GRIK1: variants seen among roughly 807,000 people sequenced by gnomAD.
GRIK1 encodes the protein glutamate ionotropic receptor kainate type subunit 1.
GRIK1 carries 69 observed loss-of-function variants against 105.7 expected under a neutral mutation model. That is an observed-to-expected ratio of 0.65 (90% confidence interval 0.54 to 0.80). The LOEUF (loss-of-function observed/expected upper bound fraction) is 0.80. Ranked by LOEUF, GRIK1 falls within the 30% of genes least tolerant of loss-of-function variation. GRIK1 has a pLI of 0.00. For missense variants in GRIK1, 1,109 were observed against 1,167.3 expected, an observed-to-expected ratio of 0.95 and a Z score of 0.73; for synonymous variants, 438 against 431.3, an observed-to-expected ratio of 1.02 and a Z score of -0.19.
chr21:29,801,580 TA>T (rs1024340354), intron 1 of GRIK1, among the ~76,000 whole-genome samples: 1 of 151,988 alleles, frequency 6.6e-6, no homozygotes, highest in African/African-American at 2.4e-5. Context: ...CGGAAATTAG[TA>T]AAAAAAGATT....
chr21:29,555,137 A>G lies in GRIK1; in HGVS notation c.2522T>C (p.Val841Ala), dbSNP rs1323658435. ...AGAAAGGACCAGTCCGGCAGCCAGA[A>G]CAATGAAGATGCCTCCAATATTTTC... ...GVENIGGIFI[V>A]LAAGLVLSVF... is the part of the protein sequence containing the mutation. Residue 841 changes from valine (V) to alanine (A), a missense_variant, in exon 16 of 18, where the codon GTT becomes GCT. Coordinates refer to ENST00000327783, the MANE Select transcript of GRIK1 (RefSeq NM_001330994.2). 1 of 1,613,836 alleles carries G rather than the reference A, an allele frequency of 6.2e-7. No individual in the cohort carries two copies. Among genetic ancestry groups the G allele is most frequent in the South Asian group, 1.1e-5 (1 of 91,084 alleles).
At chr21:29,646,199 G>A (rs944283669) in intron 6 of GRIK1, among the ~76,000 whole-genome samples, 1 of 152,124 alleles carries the variant, frequency 6.6e-6, no homozygotes, top group Non-Finnish European at 1.5e-5. Context: ...CCAAAAGGCT[G>A]GTTACTAAGT....
At chr21:29,818,805 G>C (rs187427807) in intron 1 of GRIK1, among the ~76,000 whole-genome samples, 4 of 152,010 alleles carry the variant, frequency 2.6e-5, no homozygotes, top group East Asian at 1.9e-4. Context: ...CTCTTCTGTG[G>C]TGTAGGTCAC....
intron 1 of GRIK1, among the ~76,000 whole-genome samples, chr21:29,723,624 A>G (rs2064379895): frequency 6.6e-6 from 1 of 152,210 alleles, no homozygotes; most frequent in African/African-American, 2.4e-5. Context: ...AGATATTGGG[A>G]AACCTATTTT....
At chr21:29,937,002 G>A (rs1242370228) in intron 1 of GRIK1, among the ~76,000 whole-genome samples, 2 of 152,082 alleles carry the variant, frequency 1.3e-5, no homozygotes, top group South Asian at 2.1e-4. Flanking sequence ...TTGATCGGTC[G>A]GTTGCTTGGA....
Position 29,774,386 on chromosome 21 carries a change from GA to G in GRIK1, c.119-80324del, listed in dbSNP as rs549798184. Among the ~76,000 whole-genome samples, 497 of 151,724 alleles carry G rather than the reference GA, an allele frequency of 3.3e-3. 7 individuals are homozygous for G. The highest frequency in any genetic ancestry group is 0.011 in the African/African-American group (465 of 41,374). ...TATCACAGTTGGAACAGAGGTAAAGGAAACCAGACATCTGTTGAAGATCAGT... is the reference window on the plus strand; with the variant it reads ...TATCACAGTTGGAACAGAGGTAAAGGAACCAGACATCTGTTGAAGATCAGT... On this transcript the variant is annotated intron_variant, in intron 1 of 17. Transcript: ENST00000327783.
chr21:29,781,206 T>A (rs550933640), intron 1 of GRIK1, among the ~76,000 whole-genome samples: 1 of 152,098 alleles, frequency 6.6e-6, no homozygotes, highest in African/African-American at 2.4e-5. Context: ...GAATCATACC[T>A]ATCTGTGCTT....
At chr21:29,696,722 T>C (rs2063708509) in intron 1 of GRIK1, among the ~76,000 whole-genome samples, 1 of 152,198 alleles carries the variant, frequency 6.6e-6, no homozygotes, top group Non-Finnish European at 1.5e-5. Context: ...TCAGCATCCT[T>C]GGGGAGACCA....
At chr21:29,897,778 G>A (rs753190333) in intron 1 of GRIK1, among the ~76,000 whole-genome samples, 87 of 152,204 alleles carry the variant, frequency 5.7e-4, no homozygotes, top group Non-Finnish European at 1.1e-3. Context: ...TAGCTGTAAA[G>A]CACAAGCATA....
chr21:29,704,296 T>C (rs562559536), intron 1 of GRIK1, among the ~76,000 whole-genome samples: 61 of 152,316 alleles, frequency 4.0e-4, no homozygotes, highest in South Asian at 2.9e-3. Flanking sequence ...GTAGGTATAG[T>C]AGTCAATTAT....
chr21:29,684,804 C>T (rs758043169), intron 3 of GRIK1, among the ~76,000 whole-genome samples: 1 of 152,026 alleles, frequency 6.6e-6, no homozygotes, highest in Admixed American at 6.5e-5. Flanking sequence ...GCCACCACAC[C>T]CGGCTGCAAA....
At chr21:29,655,936 GAGA>G (rs1343487686) in intron 4 of GRIK1, among the ~76,000 whole-genome samples, 2 of 152,190 alleles carry the variant, frequency 1.3e-5, no homozygotes, top group Admixed American at 6.5e-5. Context: ...GGTGTCAACT[GAGA>G]AGAAGATGCA....
chr21:29,737,402 A>C (rs534212317), intron 1 of GRIK1, among the ~76,000 whole-genome samples: 2 of 152,324 alleles, frequency 1.3e-5, no homozygotes, highest in African/African-American at 4.8e-5. Context: ...CAGCCAAAAT[A>C]TTGGAAAGGA....
At chr21:29,771,391 A>G (rs2065808469) in intron 1 of GRIK1, among the ~76,000 whole-genome samples, 1 of 152,196 alleles carries the variant, frequency 6.6e-6, no homozygotes, top group South Asian at 2.1e-4. Context: ...TTTGTGGGGG[A>G]AAACAAGGTA....
chr21:29,884,496 A>G (rs927759176), intron 1 of GRIK1, among the ~76,000 whole-genome samples: 43 of 152,126 alleles, frequency 2.8e-4, no homozygotes, highest in Admixed American at 9.8e-4. Context: ...AACAGAAAGG[A>G]AATTACTAAG....
chr21:29,836,899 G>T (rs1174565318), intron 1 of GRIK1, among the ~76,000 whole-genome samples: 1 of 152,136 alleles, frequency 6.6e-6, no homozygotes, highest in African/African-American at 2.4e-5. Flanking sequence ...TTTGTCTCTA[G>T]GAGCCAAGAA....
chr21:29,588,136 G>A (rs969927877), intron 11 of GRIK1, among the ~76,000 whole-genome samples: 3 of 151,512 alleles, frequency 2.0e-5, no homozygotes, highest in East Asian at 1.9e-4. Flanking sequence ...CACCACGCCT[G>A]GCTAATTTTT....
At chr21:29,619,494 A>G (rs2061937376) in intron 7 of GRIK1, among the ~76,000 whole-genome samples, 1 of 152,084 alleles carries the variant, frequency 6.6e-6, no homozygotes, top group East Asian at 1.9e-4. Flanking sequence ...AAGAGTGGGA[A>G]GGGGGTGAGC....
chr21:29,784,381 C>T (rs1030632935), intron 1 of GRIK1, among the ~76,000 whole-genome samples: 1 of 152,132 alleles, frequency 6.6e-6, no homozygotes, highest in African/African-American at 2.4e-5. Context: ...ATAATATTGA[C>T]AAATCACTCT....
Sources: allele counts gnomAD v4.1 joint callset (sites outside exome capture counted in the v4.1 genomes callset), GRCh38; gene constraint gnomAD v4.1.1; transcripts MANE v1.5; gene names NCBI Gene and HGNC (gene_info 2026-07-23, HGNC 2026-07-21).